The following TMBIM1 variants were observed in gnomAD, a reference collection of about 807,000 sequenced individuals.
The protein encoded by TMBIM1 is protein lifeguard 3.
Under a neutral mutation model 45.1 loss-of-function variants are expected in TMBIM1, and 34 were observed. The observed-to-expected ratio is 0.75, with a 90% confidence interval of 0.57 to 1.00. The LOEUF (loss-of-function observed/expected upper bound fraction) is 1.00. Among genes scored for constraint, TMBIM1 ranks in the 50% least tolerant of loss-of-function variants. TMBIM1 has a pLI of 0.00. For synonymous variants in TMBIM1, 157 were observed against 153.5 expected, an observed-to-expected ratio of 1.02 and a Z score of -0.17; for missense variants, 374 against 402.4, an observed-to-expected ratio of 0.93 and a Z score of 0.60.
rs1434941823 is a variant in TMBIM1, at chr2:218,277,922, C to A, written c.513+13G>T. 2 of 1,614,160 alleles carry A rather than the reference C, an allele frequency of 1.2e-6. No individual in the cohort carries two copies. Among genetic ancestry groups the A allele is most frequent in the South Asian group, 1.1e-5 (1 of 91,076 alleles). On this transcript the variant is annotated intron_variant, in intron 7 of 11. Transcript: ENST00000258412. The stretch of plus-strand genomic sequence containing the variant: ...AGCATCTCCACACCCTCCTGCCACC[C>A]TTCTAGACTTACAAAAAGGGTCAGC...
chr2:218,282,294 A>C (rs1692102850), intron 1 of TMBIM1, 113 bp from the exon 2 acceptor site: 1 of 603,262 alleles, frequency 1.7e-6, no homozygotes, highest in Non-Finnish European at 2.7e-6. Flanking sequence ...AACACCACCT[A>C]TTTTCTCCTT....
rs1300068689 is a variant in TMBIM1 at position 218,280,027 on chromosome 2, T to G, written c.302A>C (p.Lys101Thr). Residue 101 changes from lysine to threonine, a missense_variant and splice_region_variant, in exon 3 of 12, where the codon AAG (lysine) becomes ACG (threonine). Coordinates refer to ENST00000258412, the MANE Select transcript of TMBIM1 (RefSeq NM_022152.6). ...DRKVRHTFIRKVYSIISVQLL... is the reference protein window; with the variant it reads ...DRKVRHTFIRTVYSIISVQLL... ...CCCACCTCCCAGCGCGTATCTTACC[T>G]TTCGGATAAAAGTGTGTCGCACTTT... 7 of 1,613,868 alleles carry G rather than the reference T, an allele frequency of 4.3e-6. No individual in the cohort carries two copies. Among genetic ancestry groups the G allele is most frequent in the African/African-American group, 1.3e-5 (1 of 74,952 alleles).
Position 218,280,388 on chromosome 2 carries a change from TTCACTGGGGGG to T in TMBIM1, c.203-273_203-263del, listed in dbSNP as rs548879714. On this transcript the variant is annotated intron_variant, in intron 2 of 11. Coordinates refer to ENST00000258412, the MANE Select transcript of TMBIM1 (RefSeq NM_022152.6). The stretch of plus-strand genomic sequence containing the variant: ...TGTGCCCAGCCCACGCCACTGGGGG[TTCACTGGGGGG>T]TCACGATGTAGTGGGGAAGCCAGGC... The T allele has an allele frequency of 4.4e-5, 18 of 406,634 alleles. 1 individual carries two copies. The East Asian group carries it at 9.8e-4, about 22-fold the overall frequency. The allele number at this position is 406,634 out of a possible 1,614,324, so 25.2% of individuals were successfully genotyped here.
rs950089135 is a variant in TMBIM1 at position 218,274,675 on chromosome 2, A to C, written c.*800T>G. The stretch of plus-strand genomic sequence containing the variant: ...TCTGAGCTGCCTGAATACAGGAAGC[A>C]AGAGTTCACTCTGACCAGAGATCCA... On this transcript the variant is annotated 3_prime_UTR_variant, in exon 12 of 12. Transcript: ENST00000258412. 3.9e-5 allele frequency: 6 copies of C among 155,622 alleles called. No homozygotes were observed. The highest frequency in any genetic ancestry group is 1.3e-4 in the Admixed American group (2 of 15,294). The allele number at this position is 155,622 out of a possible 1,614,324, so 9.6% of individuals were successfully genotyped here. A position where few individuals can be genotyped will look rare whatever the true frequency, so the allele number is the denominator to read the frequency against.
In TMBIM1 at chr2:218,280,100, C is replaced by G. The variant is rs1184720146; in HGVS notation, c.229G>C (p.Glu77Gln). 6.2e-7 allele frequency: 1 copy of G among 1,614,028 alleles called. No individual in the cohort carries two copies. Among genetic ancestry groups the G allele is most frequent in the Non-Finnish European group, 8.5e-7 (1 of 1,179,970 alleles). ...YGPGHGYDGE[E>Q]RAVSDSFGPG... Reference sequence around the variant, plus strand: ...CCGAAGCTATCACTCACTGCTCTCTCCTCCCCATCATAGCCATGGCCTGGG... The same window carrying G: ...CCGAAGCTATCACTCACTGCTCTCTGCTCCCCATCATAGCCATGGCCTGGG... Residue 77 changes from glutamate to glutamine, a missense_variant, in exon 3 of 12, where the codon GAG (glutamate) becomes CAG (glutamine). Coordinates refer to ENST00000258412, the MANE Select transcript of TMBIM1 (RefSeq NM_022152.6).
In TMBIM1 at chr2:218,281,976, G is replaced by T; in HGVS notation, c.166C>A (p.Pro56Thr). Residue 56 changes from proline (P) to threonine (T), a missense_variant, in exon 2 of 12, where the codon CCC becomes ACC. By Grantham distance (38) the Pro-to-Thr change is conservative (BLOSUM62 -1). Transcript: ENST00000258412. Reference protein sequence around the residue: ...GYGHPAGYPQPMPPTHPMPMN... With the variant: ...GYGHPAGYPQTMPPTHPMPMN... ...GGCATCGGGTGGGTGGGGGGCATGG[G>T]CTGTGGGTAGCCAGCAGGGTGACCG... The T allele has an allele frequency of 6.2e-7, 1 of 1,605,332 alleles. No homozygotes were observed.
rs1190105148 is a variant in TMBIM1 at position 218,279,362 on chromosome 2, AGACG to A, written c.304-13_304-10del. Reference sequence around the variant, plus strand: ...GAGATGATGGAGTAAACCTGGACACAGACGGCCGGGCATGGGTCACCATCCGGCA... The same window carrying A: ...GAGATGATGGAGTAAACCTGGACACAGCCGGGCATGGGTCACCATCCGGCA... On this transcript the variant is annotated splice_polypyrimidine_tract_variant and intron_variant, in intron 3 of 11. Coordinates refer to ENST00000258412, the MANE Select transcript of TMBIM1 (RefSeq NM_022152.6). The A allele has an allele frequency of 1.6e-5, 25 of 1,561,482 alleles. No individual in the cohort carries two copies. Among genetic ancestry groups the A allele is most frequent in the Non-Finnish European group, 2.1e-5 (24 of 1,155,082 alleles).
intron 1 of TMBIM1, among the ~76,000 whole-genome samples, chr2:218,289,625 G>GAA (rs10675061): frequency 0.43 from 38,089 of 87,728 alleles, 9,572 homozygotes; most frequent in Middle Eastern, 0.54. Flanking sequence ...CTGGGCGACA[G>GAA]AAAAAAAAAA....
chr2:218,279,522 C>T, intron 3 of TMBIM1, 169 bp from the exon 4 acceptor site: 1 of 561,780 alleles, frequency 1.8e-6, no homozygotes, highest in South Asian at 2.5e-5. Flanking sequence ...GCACTTCTTC[C>T]TCAGCCCCGC....
In TMBIM1 at chr2:218,275,104, G is replaced by A. The variant is rs563268273; in HGVS notation, c.*371C>T. Reference sequence around the variant, plus strand: ...GTGACAGAGGTGGGAGGGGAACCTCGTGACCTTGAAGTCACTTCTACCTTT... The same window carrying A: ...GTGACAGAGGTGGGAGGGGAACCTCATGACCTTGAAGTCACTTCTACCTTT... On this transcript the variant is annotated 3_prime_UTR_variant, in exon 12 of 12. Transcript: ENST00000258412. The A allele has an allele frequency of 3.3e-4, 54 of 163,702 alleles. No individual in the cohort carries two copies. Among genetic ancestry groups the A allele is most frequent in the Non-Finnish European group, 5.8e-4 (44 of 75,674 alleles). 10.1% of individuals were successfully genotyped at this position (163,702 alleles called of 1,614,324 possible).
At chr2:218,277,795 C>G in intron 7 of TMBIM1, 125 bp from the exon 8 acceptor site, 12 of 1,538,704 alleles carry the variant, frequency 7.8e-6, no homozygotes, top group Non-Finnish European at 1.1e-5. Flanking sequence ...GAGGCAGCCA[C>G]AGAGGAGATC....
intron 7 of TMBIM1, 64 bp downstream of exon 7, chr2:218,277,871 C>T (rs3817266): frequency 0.39 from 626,716 of 1,606,438 alleles, 123,808 homozygotes; most frequent in Middle Eastern, 0.49. Context: ...GGTCCCCATC[C>T]CTTCCCTGGG....
At chr2:218,281,012 CAT>C in intron 2 of TMBIM1, 1 of 151,048 alleles carries the variant, frequency 6.6e-6, no homozygotes, top group Admixed American at 6.6e-5. Context: ...AGGGTTTCAC[CAT>C]GTTGGCCAGG....
chr2:218,291,040 C>A (rs972806245), intron 1 of TMBIM1, among the ~76,000 whole-genome samples: 4 of 152,192 alleles, frequency 2.6e-5, no homozygotes, highest in Non-Finnish European at 5.9e-5. Flanking sequence ...GTGAGGCCTG[C>A]GGTTGGAGGT....
At chr2:218,290,320 G>A (rs941396327) in intron 1 of TMBIM1, among the ~76,000 whole-genome samples, 1 of 152,102 alleles carries the variant, frequency 6.6e-6, no homozygotes, top group African/African-American at 2.4e-5. Context: ...CACTTTTATC[G>A]AGGCAAACCT....
At chr2:218,292,311 TC>T (rs1692985173) in intron 1 of TMBIM1, among the ~76,000 whole-genome samples, 154 bp downstream of exon 1, 1 of 151,730 alleles carries the variant, frequency 6.6e-6, no homozygotes, top group Non-Finnish European at 1.5e-5. Context: ...GGAGGGGAGA[TC>T]CCCATCTGGA....
intron 1 of TMBIM1, chr2:218,286,378 C>G (rs1009776678): frequency 6.6e-6 from 1 of 151,958 alleles, no homozygotes; most frequent in Admixed American, 6.6e-5. Flanking sequence ...GGAGCAAGCC[C>G]CTTGTCTGCA....
chr2:218,292,499 G>C lies in TMBIM1; in HGVS notation c.-74C>G, dbSNP rs1693003815. 1.3e-5 allele frequency: 2 copies of C among 152,236 alleles called. No individual in the cohort carries two copies. The highest frequency in any genetic ancestry group is 3.4e-3 in the Middle Eastern group (1 of 292). 9.4% of individuals were successfully genotyped at this position (152,236 alleles called of 1,614,324 possible). ...TTCCAGACGGAGCGTTCCTGGCCTC[G>C]GAGTGTTGCAAGTCCTCCGGGGCCG... is the stretch of plus-strand genomic sequence containing the variant. On this transcript the variant is annotated 5_prime_UTR_variant, in exon 1 of 12. Transcript: ENST00000258412.
Position 218,277,426 on chromosome 2 carries a change from AATG to A in TMBIM1, c.576_578del (p.Ile193del). The A allele has an allele frequency of 6.2e-7, 1 of 1,614,198 alleles. No individual in the cohort carries two copies. The highest frequency in any genetic ancestry group is 1.1e-5 in the South Asian group (1 of 91,084). ...ATACCACCGCAGTGATGATCATTGC[AATG>A]ATGACGGCTTTGGTTTGGTACATAC... On this transcript the variant is annotated inframe_deletion, in exon 9 of 12. Coordinates refer to ENST00000258412, the MANE Select transcript of TMBIM1 (RefSeq NM_022152.6).
Sources: allele counts gnomAD v4.1 joint callset (sites outside exome capture counted in the v4.1 genomes callset), GRCh38; gene constraint gnomAD v4.1.1; transcripts MANE v1.5; gene names NCBI Gene and HGNC (gene_info 2026-07-23, HGNC 2026-07-21).